Variants in SLC16A1 observed in about 807,000 individuals in gnomAD.
SLC16A1 encodes the protein monocarboxylate transporter 1.
A neutral mutation model predicts 32.2 loss-of-function variants in SLC16A1; 11 were observed. That is an observed-to-expected ratio of 0.34 (90% CI 0.21 to 0.56). The LOEUF (loss-of-function observed/expected upper bound fraction) is 0.56, where lower values mean the gene tolerates loss of function less well. Ranked by LOEUF, SLC16A1 falls within the 20% of genes least tolerant of loss-of-function variation. The probability of loss-of-function intolerance (pLI) is 0.87; values close to 1 mark genes in which losing one functional copy is unlikely to be tolerated. For synonymous variants in SLC16A1, 231 were observed against 226.8 expected, an observed-to-expected ratio of 1.02 and a Z score of -0.17; for missense variants, 435 against 615.0, an observed-to-expected ratio of 0.71 and a Z score of 3.10.
chr1:112,912,654 T>C lies in SLC16A1; in HGVS notation c.*1237A>G, dbSNP rs570268438. 1 of 152,248 alleles carries C rather than the reference T, an allele frequency of 6.6e-6. No homozygotes were observed. Among genetic ancestry groups the C allele is most frequent in the South Asian group, 2.1e-4 (1 of 4,824 alleles). The allele number at this position is 152,248 out of a possible 1,614,324, so 9.4% of individuals were successfully genotyped here. A position where few individuals can be genotyped will look rare whatever the true frequency, so the allele number is the denominator to read the frequency against. Reference sequence around the variant, plus strand: ...AGGGTAAAAATGCATCCAGCAATTCTAAGCACAACAATTTTCTGTAAGGCC... The same window carrying C: ...AGGGTAAAAATGCATCCAGCAATTCCAAGCACAACAATTTTCTGTAAGGCC... On this transcript the variant is annotated 3_prime_UTR_variant, in exon 5 of 5. Transcript: ENST00000369626.
At chr1:112,923,507 G>T in intron 2 of SLC16A1, 1 of 979,244 alleles carries the variant, frequency 1.0e-6, no homozygotes, top group Non-Finnish European at 1.7e-6. Context: ...GCCACACCAA[G>T]ATAGACACGG....
At chr1:112,918,354 G>C (rs1261705876) in intron 3 of SLC16A1, among the ~76,000 whole-genome samples, 1 of 152,112 alleles carries the variant, frequency 6.6e-6, no homozygotes, top group Non-Finnish European at 1.5e-5. Context: ...CCAGTATGTA[G>C]TAAGCACTTA....
rs1648849755 is a variant in SLC16A1 at position 112,924,170 on chromosome 1, C to G, written c.218-2037G>C. On this transcript the variant is annotated intron_variant, in intron 2 of 4. Transcript: ENST00000369626. ...CTGCCCTCTGGTGGATGTACCACCA[C>G]TCACAGCTGCAGGGTGCCCACGGGG... 3 of 1,488,134 alleles carry G rather than the reference C, an allele frequency of 2.0e-6. No individual in the cohort carries two copies. The African/African-American group carries it at 4.1e-5, about 21-fold the overall frequency. 92.2% of individuals were successfully genotyped at this position (1,488,134 alleles called of 1,614,324 possible).
intron 1 of SLC16A1, among the ~76,000 whole-genome samples, chr1:112,940,726 T>C (rs111573101): frequency 0.025 from 3,787 of 152,304 alleles, 161 homozygotes; most frequent in African/African-American, 0.086. Flanking sequence ...ATATATATTT[T>C]ATACTTTGAT....
At chr1:112,922,490 G>A in intron 2 of SLC16A1, 1 of 305,096 alleles carries the variant, frequency 3.3e-6, no homozygotes, top group South Asian at 3.2e-5. Flanking sequence ...TATGTAGAAA[G>A]TGGCTGGGCG....
chr1:112,945,242 G>A (rs1029573825), intron 1 of SLC16A1, among the ~76,000 whole-genome samples: 1 of 150,484 alleles, frequency 6.6e-6, no homozygotes, highest in East Asian at 2.1e-4. Flanking sequence ...CAGGCCACCC[G>A]CCTCAGCATC....
chr1:112,922,252 T>C lies in SLC16A1; in HGVS notation c.218-119A>G. 4 of 936,328 alleles carry C rather than the reference T, an allele frequency of 4.3e-6. No homozygotes were observed. The East Asian group carries it at 7.8e-5, about 18-fold the overall frequency. The allele number at this position is 936,328 out of a possible 1,614,324, so 58.0% of individuals were successfully genotyped here. A position where few individuals can be genotyped will look rare whatever the true frequency, so the allele number is the denominator to read the frequency against. ...TAAACAAGCAGCAATGATAAGAATATTGTTTTCTATAATTACTTCTGAGTC... is the reference window on the plus strand; with the variant it reads ...TAAACAAGCAGCAATGATAAGAATACTGTTTTCTATAATTACTTCTGAGTC... On this transcript the variant is annotated intron_variant, in intron 2 of 4. Coordinates refer to ENST00000369626, the MANE Select transcript of SLC16A1 (RefSeq NM_003051.4).
chr1:112,925,804 C>T (rs1335761791), intron 2 of SLC16A1, among the ~76,000 whole-genome samples: 1 of 152,160 alleles, frequency 6.6e-6, no homozygotes, highest in East Asian at 1.9e-4. Flanking sequence ...ATTGAATGTA[C>T]ATATATTCAG....
Position 112,923,666 on chromosome 1 carries a change from A to G in SLC16A1, c.218-1533T>C. 3 of 1,507,098 alleles carry G rather than the reference A, an allele frequency of 2.0e-6. No homozygotes were observed. In the Admixed American group the frequency reaches 5.0e-5, roughly 25 times the overall value. 93.4% of individuals were successfully genotyped at this position (1,507,098 alleles called of 1,614,324 possible). On this transcript the variant is annotated intron_variant, in intron 2 of 4. Coordinates refer to ENST00000369626, the MANE Select transcript of SLC16A1 (RefSeq NM_003051.4). ...CACTGAAGTGGCTGCAGTGTCCCCG[A>G]GTGGACCTCTTCTACCTGCTCAGGC... is the stretch of plus-strand genomic sequence containing the variant.
intron 1 of SLC16A1, among the ~76,000 whole-genome samples, chr1:112,937,324 C>T (rs1195546724): frequency 6.6e-6 from 1 of 152,108 alleles, no homozygotes; most frequent in East Asian, 1.9e-4. Context: ...CAAGTTAATA[C>T]CTTATTCCAC....
chr1:112,912,826 A>C lies in SLC16A1; in HGVS notation c.*1065T>G, dbSNP rs936210939. ...ACCTTAAAAAAAAAAAAACAAAAAA[A>C]CAAAAACACCAAACACACACATATC... On this transcript the variant is annotated 3_prime_UTR_variant, in exon 5 of 5. Coordinates refer to ENST00000369626, the MANE Select transcript of SLC16A1 (RefSeq NM_003051.4). 56 of 152,012 alleles carry C rather than the reference A, an allele frequency of 3.7e-4. No homozygotes were observed. Among genetic ancestry groups the C allele is most frequent in the African/African-American group, 1.4e-3 (56 of 41,426 alleles). The allele number at this position is 152,012 out of a possible 1,614,324, so 9.4% of individuals were successfully genotyped here.
intron 1 of SLC16A1, chr1:112,955,562 A>C (rs971174376): frequency 2.0e-5 from 3 of 152,276 alleles, no homozygotes; most frequent in Non-Finnish European, 2.9e-5. Context: ...CGGGCCAAGA[A>C]GGTTGGGGCG....
intron 2 of SLC16A1, among the ~76,000 whole-genome samples, chr1:112,922,608 G>C (rs867430035): frequency 6.6e-6 from 1 of 151,748 alleles, no homozygotes; most frequent in Non-Finnish European, 1.5e-5. Context: ...ACCCCGTCTC[G>C]ACTAAAAATA....
Position 112,913,881 on chromosome 1 carries a change from C to T in SLC16A1, c.*10G>A. On this transcript the variant is annotated 3_prime_UTR_variant, in exon 5 of 5. Transcript: ENST00000369626. ...ATGAACTGCTCAATTTACCCTTCAG[C>T]CCCATGGATTCAGACTGGACTTTCC... 8 of 1,614,134 alleles carry T rather than the reference C, an allele frequency of 5.0e-6. No homozygotes were observed. The highest frequency in any genetic ancestry group is 6.8e-6 in the Non-Finnish European group (8 of 1,179,976).
At chr1:112,954,233 T>C (rs1013321181) in intron 1 of SLC16A1, among the ~76,000 whole-genome samples, 2 of 152,164 alleles carry the variant, frequency 1.3e-5, no homozygotes, top group African/African-American at 4.8e-5. Flanking sequence ...GAAAACACGA[T>C]GGGAATGCAG....
chr1:112,922,284 G>T, intron 2 of SLC16A1, 151 bp from the exon 3 acceptor site: 1 of 707,588 alleles, frequency 1.4e-6, no homozygotes, highest in Non-Finnish European at 2.4e-6. Flanking sequence ...AGTCACATGT[G>T]TACTAAAATA....
At position 112,917,531 on chromosome 1, in the gene SLC16A1, T is replaced by C; in HGVS notation, c.875A>G (p.His292Arg). ...GAAGGCAGACTTCTCACTAGAATAA[T>C]GCTGACTCTTCCCATAACTACTAAG... ...VFLSSYGKSQ[H>R]YSSEKSAFLL... is the part of the protein sequence containing the mutation. The change falls in exon 4 of 5, where the codon CAT becomes CGT. Residue 292 changes from histidine (H) to arginine (R), a missense_variant. By Grantham distance (29) the His-to-Arg change is conservative (BLOSUM62 0). Transcript: ENST00000369626. This position sits in a 1 kb window ranked among gnomAD's most constrained non-coding sequence, Gnocchi z 4.1. 2 of 1,614,180 alleles carry C rather than the reference T, an allele frequency of 1.2e-6. No individual in the cohort carries two copies. The highest frequency in any genetic ancestry group is 8.5e-7 in the Non-Finnish European group (1 of 1,180,036).
At chr1:112,921,717 G>T (rs1162022528) in intron 3 of SLC16A1, among the ~76,000 whole-genome samples, 1 of 152,130 alleles carries the variant, frequency 6.6e-6, no homozygotes, top group African/African-American at 2.4e-5. Flanking sequence ...CACACACATT[G>T]TATCTACCAC....
In SLC16A1 at chr1:112,912,815, AAAAC is replaced by A. The variant is rs1326162232; in HGVS notation, c.*1072_*1075del. The stretch of plus-strand genomic sequence containing the variant: ...TTAATTTGCAAACCTTAAAAAAAAA[AAAAC>A]AAAAAAACAAAAACACCAAACACAC... On this transcript the variant is annotated 3_prime_UTR_variant, in exon 5 of 5. Coordinates refer to ENST00000369626, the MANE Select transcript of SLC16A1 (RefSeq NM_003051.4). The A allele has an allele frequency of 6.6e-6, 1 of 151,944 alleles. No homozygotes were observed. Among genetic ancestry groups the A allele is most frequent in the African/African-American group, 2.4e-5 (1 of 41,408 alleles). The allele number at this position is 151,944 out of a possible 1,614,324, so 9.4% of individuals were successfully genotyped here.
Sources: allele counts gnomAD v4.1 joint callset (sites outside exome capture counted in the v4.1 genomes callset), GRCh38; gene constraint gnomAD v4.1.1; non-coding constraint Gnocchi (gnomAD v3.1); transcripts MANE v1.5; gene names NCBI Gene and HGNC (gene_info 2026-07-23, HGNC 2026-07-21).